MALRD1: variants seen among roughly 807,000 people sequenced by gnomAD.
MALRD1 encodes the protein MAM and LDL-receptor class A domain-containing protein 1.
Under a neutral mutation model 242.1 loss-of-function variants are expected in MALRD1, and 247 were observed. That is an observed-to-expected ratio of 1.02 (90% CI 0.92 to 1.13). The LOEUF (loss-of-function observed/expected upper bound fraction) is 1.13. Ranked by LOEUF, MALRD1 falls within the 50% of genes most tolerant of loss-of-function variation. The pLI is 0.00. For missense variants in MALRD1, 2,989 were observed against 2,533.1 expected (o/e 1.18, Z -3.86); for synonymous variants, 995 against 866.6 (o/e 1.15, Z -2.60).
chr10:19,356,530 A>T (rs1844646216), intron 26 of MALRD1, among the ~76,000 whole-genome samples: 1 of 152,174 alleles, frequency 6.6e-6, no homozygotes, highest in South Asian at 2.1e-4. Flanking sequence ...TTAACACAAA[A>T]TCAGTATAAA....
At chr10:19,521,948 C>T (rs1833900923) in intron 31 of MALRD1, among the ~76,000 whole-genome samples, 1 of 146,652 alleles carries the variant, frequency 6.8e-6, no homozygotes, top group East Asian at 2.0e-4. Flanking sequence ...CTCTCTTTCT[C>T]AGCTGATTAT....
At chr10:19,153,971 T>C (rs916482158) in intron 11 of MALRD1, among the ~76,000 whole-genome samples, 2 of 152,198 alleles carry the variant, frequency 1.3e-5, no homozygotes, top group African/African-American at 2.4e-5. Context: ...TTTAAAAATA[T>C]TCATTTGAAT....
intron 14 of MALRD1, among the ~76,000 whole-genome samples, chr10:19,177,816 CAG>C (rs1170540322): frequency 1.3e-5 from 2 of 152,104 alleles, no homozygotes; most frequent in Non-Finnish European, 2.9e-5. Flanking sequence ...CCTCTGTGTT[CAG>C]AGTCTCCTTG....
At chr10:19,658,235 TC>T (rs1467972774) in intron 36 of MALRD1, among the ~76,000 whole-genome samples, 1 of 152,180 alleles carries the variant, frequency 6.6e-6, no homozygotes, top group Non-Finnish European at 1.5e-5. Flanking sequence ...ATTCATTAAG[TC>T]TACACATCTT....
chr10:19,267,482 C>T (rs934084976), intron 19 of MALRD1, among the ~76,000 whole-genome samples: 27 of 151,890 alleles, frequency 1.8e-4, no homozygotes, highest in Non-Finnish European at 3.4e-4. Flanking sequence ...GGCATCCCTT[C>T]TCGTTAGCCT....
intron 14 of MALRD1, among the ~76,000 whole-genome samples, chr10:19,176,511 A>C (rs1588656217): frequency 6.7e-6 from 1 of 149,358 alleles, no homozygotes; most frequent in Non-Finnish European, 1.5e-5. Flanking sequence ...AGTAGCTGGG[A>C]CTACAGGCGC....
chr10:19,348,257 A>G (rs1844219428), intron 25 of MALRD1, among the ~76,000 whole-genome samples: 1 of 151,372 alleles, frequency 6.6e-6, no homozygotes. Flanking sequence ...AGTTTGGGAA[A>G]CTGTTGGAAA....
chr10:19,588,028 A>C (rs547222970), intron 33 of MALRD1, among the ~76,000 whole-genome samples: 1 of 152,212 alleles, frequency 6.6e-6, no homozygotes, highest in East Asian at 1.9e-4. Flanking sequence ...CATCTGCAAA[A>C]GTCCTTTATG....
In MALRD1 at chr10:19,487,564, G is replaced by C. The variant is rs1033824162; in HGVS notation, c.5030-3953G>C. Among the ~76,000 whole-genome samples, 4 of 149,430 alleles carry C rather than the reference G, an allele frequency of 2.7e-5. No individual in the cohort carries two copies. The East Asian group carries it at 5.8e-4, about 22-fold the overall frequency. On this transcript the variant is annotated intron_variant, in intron 29 of 39. Transcript: ENST00000454679. ...AAAGCCAAAGAACCAACTATTTAGA[G>C]TGACATCAAAGCACATTTCCCCTGT...
chr10:19,591,031 T>C (rs559334374), intron 33 of MALRD1, among the ~76,000 whole-genome samples: 1 of 152,206 alleles, frequency 6.6e-6, no homozygotes, highest in South Asian at 2.1e-4. Context: ...GCCCTAAAAA[T>C]CTCCTGTGCT....
chr10:19,486,602 T>A (rs1053626415), intron 29 of MALRD1, among the ~76,000 whole-genome samples: 1 of 152,184 alleles, frequency 6.6e-6, no homozygotes, highest in East Asian at 1.9e-4. Flanking sequence ...CGTTTTAATA[T>A]TCTTCATGTG....
At chr10:19,302,359 T>C (rs923493313) in intron 21 of MALRD1, among the ~76,000 whole-genome samples, 6 of 151,800 alleles carry the variant, frequency 4.0e-5, no homozygotes, top group South Asian at 2.1e-4. Context: ...GCATTATTCA[T>C]AATAGATAAA....
intron 38 of MALRD1, chr10:19,710,733 A>G (rs897690640): frequency 6.6e-6 from 1 of 152,212 alleles, no homozygotes; most frequent in African/African-American, 2.4e-5. Flanking sequence ...TCGTCAGTAT[A>G]ATATCTCTGT....
chr10:19,402,348 C>T (rs1487769328), intron 28 of MALRD1, among the ~76,000 whole-genome samples: 1 of 152,122 alleles, frequency 6.6e-6, no homozygotes, highest in African/African-American at 2.4e-5. Context: ...GTGTCAATAA[C>T]GGGGCCAGGT....
At chr10:19,049,332 G>A (rs1273747416) in intron 1 of MALRD1, among the ~76,000 whole-genome samples, 195 bp downstream of exon 1, 1 of 152,042 alleles carries the variant, frequency 6.6e-6, no homozygotes, top group Non-Finnish European at 1.5e-5. Context: ...ATCAAATCAT[G>A]AAGATATTCA....
intron 18 of MALRD1, among the ~76,000 whole-genome samples, chr10:19,255,759 T>A (rs1839477255): frequency 6.6e-6 from 1 of 152,046 alleles, no homozygotes; most frequent in Admixed American, 6.6e-5. Flanking sequence ...CTGTCTTGGA[T>A]TGTTTCTGTC....
intron 28 of MALRD1, among the ~76,000 whole-genome samples, chr10:19,430,363 C>G (rs888755794): frequency 6.6e-6 from 1 of 151,996 alleles, no homozygotes; most frequent in African/African-American, 2.4e-5. Context: ...GATCCACCCA[C>G]CTCGGCCTCC....
At chr10:19,391,903 G>A (rs957905510) in intron 28 of MALRD1, among the ~76,000 whole-genome samples, 4 of 152,190 alleles carry the variant, frequency 2.6e-5, no homozygotes, top group Admixed American at 6.5e-5. Context: ...GCCTCCCAGA[G>A]GTTGTGGCTG....
At chr10:19,305,894 T>A (rs554915269) in intron 21 of MALRD1, among the ~76,000 whole-genome samples, 17 of 128,428 alleles carry the variant, frequency 1.3e-4, no homozygotes, top group East Asian at 8.4e-4. Context: ...TAATATATAT[T>A]ATATATACTA....
Sources: gnomAD v4.1 joint callset for allele counts (sites outside exome capture counted in the v4.1 genomes callset) on GRCh38, gnomAD v4.1.1 for gene constraint, MANE v1.5 for transcripts, NCBI Gene and HGNC (gene_info 2026-07-23, HGNC 2026-07-21) for gene names.